Variants in NUBPL observed in about 807,000 individuals in gnomAD.
NUBPL encodes the protein NUBP iron-sulfur cluster assembly factor, mitochondrial.
Under a neutral mutation model 45.7 loss-of-function variants are expected in NUBPL, and 31 were observed. The observed-to-expected ratio is 0.68, with a 90% CI of 0.51 to 0.92. The LOEUF (loss-of-function observed/expected upper bound fraction) is 0.92, where lower values mean the gene tolerates loss of function less well. Ranked by LOEUF, NUBPL falls within the 40% of genes least tolerant of loss-of-function variation. The pLI is 0.00. For synonymous variants in NUBPL, 144 were observed against 140.9 expected (o/e 1.02, Z -0.15); for missense variants, 401 against 398.7 (o/e 1.01, Z -0.05).
chr14:31,640,614 CAAAAA>C (rs59871107), intron 4 of NUBPL, among the ~76,000 whole-genome samples: 1 of 97,024 alleles, frequency 1.0e-5, no homozygotes, highest in African/African-American at 3.8e-5. Context: ...GACTCTGTCT[CAAAAA>C]AAAAAAAAAA....
chr14:31,772,770 GAGTA>G (rs1050956299), intron 6 of NUBPL, among the ~76,000 whole-genome samples: 3 of 152,114 alleles, frequency 2.0e-5, no homozygotes, highest in African/African-American at 7.2e-5. Context: ...GAAAGAAAAG[GAGTA>G]AGTTTCTTCT....
rs536086250 is a variant in NUBPL at position 31,841,041 on chromosome 14, C to T, written c.694-5430C>T. ...ATAGTTGCCATCGTTCTTTTCTTGTCATTGCTCTGTAGCATTCCATTAAAT... is the reference window on the plus strand; with the variant it reads ...ATAGTTGCCATCGTTCTTTTCTTGTTATTGCTCTGTAGCATTCCATTAAAT... On this transcript the variant is annotated intron_variant, in intron 8 of 10. Coordinates refer to ENST00000281081, the MANE Select transcript of NUBPL (RefSeq NM_025152.3). Among the ~76,000 whole-genome samples, 15 of 152,312 alleles carry T rather than the reference C, an allele frequency of 9.8e-5. 1 individual carries two copies. In the South Asian group the frequency reaches 2.3e-3, roughly 23 times the overall value.
intron 4 of NUBPL, among the ~76,000 whole-genome samples, chr14:31,625,244 A>G (rs941423752): frequency 7.9e-5 from 12 of 152,084 alleles, no homozygotes; most frequent in Admixed American, 1.3e-4. Flanking sequence ...AAATAGGATA[A>G]TAATTGAAAA....
chr14:31,682,407 A>G (rs900005848), intron 6 of NUBPL, among the ~76,000 whole-genome samples: 2 of 152,110 alleles, frequency 1.3e-5, no homozygotes, highest in Non-Finnish European at 2.9e-5. Context: ...CTATTTCATT[A>G]TATTTAAAGT....
chr14:31,810,444 G>GCC (rs2039779123), intron 7 of NUBPL, among the ~76,000 whole-genome samples: 1 of 151,760 alleles, frequency 6.6e-6, no homozygotes, highest in African/African-American at 2.4e-5. Flanking sequence ...TGCAACCCCT[G>GCC]TTGTTTTTTG....
In NUBPL at chr14:31,826,714, C is replaced by T. The variant is rs545468645; in HGVS notation, c.693C>T (p.Pro231=). 2.3e-5 allele frequency: 37 copies of T among 1,613,384 alleles called. No homozygotes were observed. The African/African-American group carries it at 3.3e-4, about 15-fold the overall frequency. ...AGATGTTTCGCAGAGTCCACGTGCC[C>T]GTAAGCGTTTACAGCTTCACTGTGA... The part of the protein sequence containing the change: ...GAEMFRRVHV[P]VLGLVQNMSV... Residue 231 remains proline (P), a splice_region_variant and synonymous_variant, in exon 8 of 11, where the codon CCC becomes CCT. Transcript: ENST00000281081.
intron 7 of NUBPL, among the ~76,000 whole-genome samples, chr14:31,793,184 A>G (rs896399546): frequency 6.6e-6 from 1 of 151,864 alleles, no homozygotes; most frequent in African/African-American, 2.4e-5. Context: ...CCTTCCCAGT[A>G]AACACCTTCA....
intron 6 of NUBPL, among the ~76,000 whole-genome samples, chr14:31,708,427 A>G (rs1409041196): frequency 6.6e-6 from 1 of 152,196 alleles, no homozygotes; most frequent in East Asian, 1.9e-4. Flanking sequence ...AGGGGACAAC[A>G]AATGGGTAAC....
intron 6 of NUBPL, chr14:31,714,487 C>T (rs1029857271): frequency 4.3e-5 from 7 of 163,082 alleles, no homozygotes; most frequent in Non-Finnish European, 6.5e-5. Context: ...AGCTTACAAT[C>T]GTGGTGGAAG....
intron 6 of NUBPL, among the ~76,000 whole-genome samples, chr14:31,782,373 C>T (rs768142738): frequency 1.9e-4 from 29 of 152,100 alleles, no homozygotes; most frequent in Non-Finnish European, 2.8e-4. Context: ...CCAGCCTGGG[C>T]GACAGAGCAA....
chr14:31,610,037 G>A (rs768616018), intron 4 of NUBPL, among the ~76,000 whole-genome samples: 11 of 151,884 alleles, frequency 7.2e-5, no homozygotes, highest in Admixed American at 3.9e-4. Flanking sequence ...AACTACACCC[G>A]AAATTAGTAG....
At chr14:31,649,036 T>C (rs970410670) in intron 4 of NUBPL, among the ~76,000 whole-genome samples, 1 of 152,162 alleles carries the variant, frequency 6.6e-6, no homozygotes, top group East Asian at 1.9e-4. Flanking sequence ...TCTCGATTTC[T>C]TGACCTCAAG....
At chr14:31,656,055 G>A (rs2036133640) in intron 4 of NUBPL, among the ~76,000 whole-genome samples, 1 of 152,056 alleles carries the variant, frequency 6.6e-6, no homozygotes, top group Admixed American at 6.5e-5. Flanking sequence ...ATCAGCACTT[G>A]CTTCTTCACC....
At chr14:31,685,998 G>T (rs1479804265) in intron 6 of NUBPL, among the ~76,000 whole-genome samples, 1 of 152,020 alleles carries the variant, frequency 6.6e-6, no homozygotes, top group Non-Finnish European at 1.5e-5. Flanking sequence ...CTAAAATCAG[G>T]CTTAGGCATA....
intron 7 of NUBPL, among the ~76,000 whole-genome samples, chr14:31,807,332 T>C (rs565610802): frequency 6.6e-6 from 1 of 152,284 alleles, no homozygotes; most frequent in South Asian, 2.1e-4. Context: ...TGTGAGGTGG[T>C]ATCTCATTGT....
At chr14:31,840,343 G>A (rs2040349157) in intron 8 of NUBPL, among the ~76,000 whole-genome samples, 1 of 152,126 alleles carries the variant, frequency 6.6e-6, no homozygotes, top group South Asian at 2.1e-4. Flanking sequence ...GGAGGCCAAG[G>A]CAGATGGATC....
At chr14:31,603,356 T>TTTTTAAAA (rs2034499207) in intron 4 of NUBPL, among the ~76,000 whole-genome samples, 1 of 149,758 alleles carries the variant, frequency 6.7e-6, no homozygotes, top group African/African-American at 2.5e-5. Flanking sequence ...TTGGAAAAAC[T>TTTTTAAAA]GATAATTTTT....
At chr14:31,655,434 C>T (rs979142750) in intron 4 of NUBPL, among the ~76,000 whole-genome samples, 22 of 152,164 alleles carry the variant, frequency 1.4e-4, no homozygotes, top group South Asian at 4.1e-4. Flanking sequence ...AGGAATTGGC[C>T]GGGCATGGTG....
chr14:31,769,104 T>C (rs1874051015), intron 6 of NUBPL, among the ~76,000 whole-genome samples: 1 of 152,082 alleles, frequency 6.6e-6, no homozygotes, highest in Admixed American at 6.6e-5. Context: ...CAAATAACAT[T>C]GATTAGTGAT....
Sources: allele counts gnomAD v4.1 joint callset (sites outside exome capture counted in the v4.1 genomes callset), GRCh38; gene constraint gnomAD v4.1.1; transcripts MANE v1.5; gene names NCBI Gene and HGNC (gene_info 2026-07-23, HGNC 2026-07-21).